GDPD5: variants seen among roughly 807,000 people sequenced by gnomAD.
The protein encoded by GDPD5 is glycerophosphodiester phosphodiesterase 2.
GDPD5 carries 48 observed loss-of-function variants against 75.1 expected under a neutral mutation model. The observed-to-expected ratio is 0.64, with a 90% CI of 0.51 to 0.81. The LOEUF (loss-of-function observed/expected upper bound fraction) is 0.81. Among genes scored for constraint, GDPD5 ranks in the 40% least tolerant of loss-of-function variants. The probability of loss-of-function intolerance (pLI) is 0.00; values close to 1 mark genes in which losing one functional copy is unlikely to be tolerated. For synonymous variants in GDPD5, 336 were observed against 339.0 expected (o/e 0.99, Z 0.10); for missense variants, 706 against 822.6 (o/e 0.86, Z 1.73).
At chr11:75,504,894 G>A (rs1362362640) in intron 1 of GDPD5, among the ~76,000 whole-genome samples, 2 of 152,188 alleles carry the variant, frequency 1.3e-5, no homozygotes, top group Admixed American at 6.5e-5. Flanking sequence ...TTGGGAGGCC[G>A]AGGCAGGCGG....
intron 3 of GDPD5, among the ~76,000 whole-genome samples, chr11:75,474,352 C>T (rs1394004348): frequency 1.3e-5 from 2 of 152,236 alleles, no homozygotes; most frequent in African/African-American, 2.4e-5. Flanking sequence ...TCAGGGGACC[C>T]TGTGGGGATG....
At chr11:75,464,864 G>A (rs565787738) in intron 3 of GDPD5, among the ~76,000 whole-genome samples, 117 of 152,140 alleles carry the variant, frequency 7.7e-4, no homozygotes, top group Non-Finnish European at 1.5e-3. Flanking sequence ...TCGAACCCTA[G>A]GAGCTGCCAC....
intron 3 of GDPD5, among the ~76,000 whole-genome samples, chr11:75,464,317 TG>T (rs959143759): frequency 2.0e-5 from 3 of 152,224 alleles, no homozygotes; most frequent in African/African-American, 7.2e-5. Flanking sequence ...ACTTATGCCA[TG>T]GGGTTGATGG....
intron 15 of GDPD5, chr11:75,437,675 C>A: frequency 6.5e-6 from 1 of 152,684 alleles, no homozygotes; most frequent in Non-Finnish European, 1.5e-5. Context: ...GCATGAATCC[C>A]TCTGATGGCT....
intron 1 of GDPD5, among the ~76,000 whole-genome samples, chr11:75,524,725 A>G (rs962329604): frequency 6.6e-6 from 1 of 152,194 alleles, no homozygotes; most frequent in Admixed American, 6.5e-5. Context: ...CAGGGAGAGA[A>G]GCTTTGGAAC....
At chr11:75,522,419 C>G (rs985674025) in intron 1 of GDPD5, among the ~76,000 whole-genome samples, 11 of 152,280 alleles carry the variant, frequency 7.2e-5, no homozygotes, top group Middle Eastern at 3.4e-3. Flanking sequence ...CCTGACAAAG[C>G]CTTCCTGGTT....
At chr11:75,488,092 C>T (rs945636297) in intron 2 of GDPD5, among the ~76,000 whole-genome samples, 3 of 152,110 alleles carry the variant, frequency 2.0e-5, no homozygotes, top group East Asian at 3.9e-4. Context: ...CTCTCCAGAC[C>T]GGTCAGTGGC....
At chr11:75,480,109 T>C (rs1592118147) in intron 2 of GDPD5, among the ~76,000 whole-genome samples, 1 of 152,122 alleles carries the variant, frequency 6.6e-6, no homozygotes, top group Non-Finnish European at 1.5e-5. Context: ...CCAAGGCAGG[T>C]GGATCACTTG....
At chr11:75,502,344 A>G (rs1019375889) in intron 1 of GDPD5, among the ~76,000 whole-genome samples, 18 of 152,252 alleles carry the variant, frequency 1.2e-4, no homozygotes, top group Non-Finnish European at 2.6e-4. Flanking sequence ...CCCAAATGGG[A>G]AATGCTGCTA....
intron 9 of GDPD5, among the ~76,000 whole-genome samples, chr11:75,448,315 T>C (rs965752389): frequency 4.6e-5 from 7 of 152,212 alleles, no homozygotes; most frequent in African/African-American, 1.2e-4. Flanking sequence ...ATTTGGGCAC[T>C]GCACACATGC....
chr11:75,440,880 T>C (rs190160553), intron 14 of GDPD5, among the ~76,000 whole-genome samples: 51 of 152,318 alleles, frequency 3.3e-4, no homozygotes, highest in African/African-American at 1.0e-3. Flanking sequence ...CCTGTCCTTG[T>C]TACCCTCCAA....
intron 1 of GDPD5, chr11:75,516,135 A>C (rs1048087806): frequency 6.6e-5 from 10 of 152,250 alleles, no homozygotes; most frequent in African/African-American, 2.4e-4. Flanking sequence ...GCTTTCAGAG[A>C]GGTACACCCA....
chr11:75,448,039 C>T (rs1949033149), intron 9 of GDPD5, among the ~76,000 whole-genome samples: 1 of 152,104 alleles, frequency 6.6e-6, no homozygotes, highest in East Asian at 1.9e-4. Flanking sequence ...GAGTGGCAGC[C>T]CGGCAGACCC....
At chr11:75,444,627 G>A (rs1948941756) in intron 9 of GDPD5, 132 bp from the exon 10 acceptor site, 3 of 668,414 alleles carry the variant, frequency 4.5e-6, no homozygotes, top group African/African-American at 3.5e-5. Flanking sequence ...CAGAGTAGCT[G>A]TGTGACCCTG....
intron 14 of GDPD5, among the ~76,000 whole-genome samples, chr11:75,440,822 T>C (rs1210660019): frequency 6.6e-6 from 1 of 152,208 alleles, no homozygotes; most frequent in Non-Finnish European, 1.5e-5. Context: ...CTTCCCAAAA[T>C]GCTGGGATTA....
intron 2 of GDPD5, among the ~76,000 whole-genome samples, chr11:75,478,213 A>G (rs1361790868): frequency 6.6e-6 from 1 of 152,136 alleles, no homozygotes; most frequent in African/African-American, 2.4e-5. Context: ...GCTGTGGCAC[A>G]ATCTCGGCTC....
Position 75,510,892 on chromosome 11 carries a change from C to T in GDPD5, c.-145+14318G>A, listed in dbSNP as rs536885043. Among the ~76,000 whole-genome samples, 11 of 152,316 alleles carry T rather than the reference C, an allele frequency of 7.2e-5. No homozygotes were observed. In the East Asian group the frequency reaches 9.6e-4, roughly 13 times the overall value. On this transcript the variant is annotated intron_variant, in intron 1 of 16. Transcript: ENST00000336898. ...ACCTGGGACTAAGAAGGTACAGCTC[C>T]GCTGAATTGAGTAAATGTGTCACCC...
At chr11:75,456,915 A>T in intron 5 of GDPD5, 99 bp from the exon 6 acceptor site, 1 of 1,226,156 alleles carries the variant, frequency 8.2e-7, no homozygotes, top group Non-Finnish European at 1.2e-6. Flanking sequence ...TCTGGGCCTG[A>T]CCCTGGGCAG....
intron 1 of GDPD5, among the ~76,000 whole-genome samples, chr11:75,512,281 G>GGGAC (rs566304066): frequency 8.1e-6 from 1 of 123,100 alleles, no homozygotes; most frequent in East Asian, 2.6e-4. Context: ...AATTGGGAAG[G>GGGAC]ACACACACAC....
Sources: allele counts gnomAD v4.1 joint callset (sites outside exome capture counted in the v4.1 genomes callset), GRCh38; gene constraint gnomAD v4.1.1; transcripts MANE v1.5; gene names NCBI Gene and HGNC (gene_info 2026-07-23, HGNC 2026-07-21).